Variants in TXNDC16 observed in about 807,000 individuals in gnomAD.
TXNDC16 encodes the protein thioredoxin domain-containing protein 16.
Under a neutral mutation model 85.6 loss-of-function variants are expected in TXNDC16, and 74 were observed. The observed-to-expected ratio is 0.86, with a 90% CI of 0.72 to 1.05. The LOEUF (loss-of-function observed/expected upper bound fraction) is 1.05. TXNDC16 is among the 50% of genes least tolerant of loss of function. The pLI is 0.00. For synonymous variants in TXNDC16, 335 were observed against 326.5 expected, an observed-to-expected ratio of 1.03 and a Z score of -0.28; for missense variants, 959 against 947.0, an observed-to-expected ratio of 1.01 and a Z score of -0.17.
At position 52,439,276 on chromosome 14, in the gene TXNDC16, C is replaced by G. The variant is rs1236904848; in HGVS notation, c.2122G>C (p.Asp708His). 3 of 1,613,924 alleles carry G rather than the reference C, an allele frequency of 1.9e-6. No individual in the cohort carries two copies. In the Admixed American group the frequency reaches 5.0e-5, roughly 27 times the overall value. The change falls in exon 20 of 21, where the codon GAC (aspartate) becomes CAC (histidine). Residue 708 changes from aspartate (D) to histidine (H), a missense_variant. Coordinates refer to ENST00000281741, the MANE Select transcript of TXNDC16 (RefSeq NM_020784.3). ...AGGTTTTCTTCAATTATAGCCTGGT[C>G]TGAAGGAAATGCAAATACTTGGCCA... is the stretch of plus-strand genomic sequence containing the variant. ...SGGQVFAFPS[D>H]QAIIEENLVL... is the part of the protein sequence containing the mutation.
intron 18 of TXNDC16, 29 bp downstream of exon 18, chr14:52,455,295 G>A (rs1188890177): frequency 6.2e-7 from 1 of 1,610,888 alleles, no homozygotes; most frequent in Non-Finnish European, 8.5e-7. Flanking sequence ...TTTATTTCAA[G>A]TATCACCCTT....
chr14:52,474,939 G>C (rs1253235843), intron 14 of TXNDC16, among the ~76,000 whole-genome samples: 1 of 152,146 alleles, frequency 6.6e-6, no homozygotes, highest in Non-Finnish European at 1.5e-5. Flanking sequence ...CCCTCTGAAG[G>C]AAGTGATTGC....
intron 7 of TXNDC16, 58 bp from the exon 8 acceptor site, chr14:52,515,028 G>T: frequency 7.8e-7 from 1 of 1,277,128 alleles, no homozygotes; most frequent in Non-Finnish European, 1.1e-6. Flanking sequence ...GTGACTCTAT[G>T]TAAACTTCTA....
chr14:52,444,109 G>A (rs773566317), intron 18 of TXNDC16, among the ~76,000 whole-genome samples: 1 of 152,050 alleles, frequency 6.6e-6, no homozygotes, highest in Non-Finnish European at 1.5e-5. Context: ...GAGGAGGAAT[G>A]GTATAGACAA....
At chr14:52,498,133 C>T (rs1481258723) in intron 9 of TXNDC16, among the ~76,000 whole-genome samples, 1 of 152,028 alleles carries the variant, frequency 6.6e-6, no homozygotes, top group South Asian at 2.1e-4. Context: ...AAACTAGGAA[C>T]AGAAATAAAT....
intron 7 of TXNDC16, among the ~76,000 whole-genome samples, chr14:52,517,400 C>A (rs2037109276): frequency 6.6e-6 from 1 of 152,140 alleles, no homozygotes; most frequent in South Asian, 2.1e-4. Context: ...ATTATTGCTG[C>A]CTAACAACCA....
At chr14:52,459,182 A>G (rs1359994897) in intron 16 of TXNDC16, among the ~76,000 whole-genome samples, 1 of 152,192 alleles carries the variant, frequency 6.6e-6, no homozygotes, top group African/African-American at 2.4e-5. Context: ...ATCACATCTT[A>G]TTGAATAATT....
At chr14:52,451,292 C>A (rs1045139037) in intron 18 of TXNDC16, among the ~76,000 whole-genome samples, 1 of 151,486 alleles carries the variant, frequency 6.6e-6, no homozygotes, top group Non-Finnish European at 1.5e-5. Flanking sequence ...AATACTAATC[C>A]TACTCAAACT....
At chr14:52,494,000 C>A (rs888687088) in intron 9 of TXNDC16, among the ~76,000 whole-genome samples, 1 of 151,856 alleles carries the variant, frequency 6.6e-6, no homozygotes, top group Non-Finnish European at 1.5e-5. Flanking sequence ...AGGCTGGTCT[C>A]GAACTCCTGG....
chr14:52,526,433 T>C (rs1001161628), intron 6 of TXNDC16, among the ~76,000 whole-genome samples: 1 of 152,178 alleles, frequency 6.6e-6, no homozygotes, highest in Admixed American at 6.5e-5. Context: ...ACTACATGCA[T>C]TTACATGTGC....
At chr14:52,492,820 G>A (rs919037282) in intron 9 of TXNDC16, among the ~76,000 whole-genome samples, 4 of 152,134 alleles carry the variant, frequency 2.6e-5, no homozygotes, top group South Asian at 2.1e-4. Flanking sequence ...AACCCTCCTC[G>A]GCCCAGTCAG....
intron 16 of TXNDC16, among the ~76,000 whole-genome samples, chr14:52,459,890 T>C (rs1193085899): frequency 6.6e-6 from 1 of 152,116 alleles, no homozygotes; most frequent in African/African-American, 2.4e-5. Context: ...CTCAATATAC[T>C]AGGTACTGAA....
At chr14:52,443,679 A>G (rs989604383) in intron 18 of TXNDC16, among the ~76,000 whole-genome samples, 4 of 152,228 alleles carry the variant, frequency 2.6e-5, no homozygotes, top group Non-Finnish European at 5.9e-5. Flanking sequence ...GTGAGACCAG[A>G]TGAGTAATGC....
Position 52,445,880 on chromosome 14 carries a change from G to C in TXNDC16, c.1843-5156C>G, listed in dbSNP as rs538716830. Among the ~76,000 whole-genome samples the C allele has an allele frequency of 3.9e-5, 6 of 152,228 alleles. No individual in the cohort carries two copies. The East Asian group carries it at 1.2e-3, about 29-fold the overall frequency. Reference sequence around the variant, plus strand: ...AGTTTGTATGATAAAACTGCCTATCGATGCATTTCTCAGAAGATATCCTCG... The same window carrying C: ...AGTTTGTATGATAAAACTGCCTATCCATGCATTTCTCAGAAGATATCCTCG... On this transcript the variant is annotated intron_variant, in intron 18 of 20. Coordinates refer to ENST00000281741, the MANE Select transcript of TXNDC16 (RefSeq NM_020784.3).
At chr14:52,485,783 TTG>T (rs1463609902) in intron 12 of TXNDC16, among the ~76,000 whole-genome samples, 3 of 152,230 alleles carry the variant, frequency 2.0e-5, no homozygotes, top group East Asian at 3.8e-4. Flanking sequence ...CCATGTAGGT[TTG>T]TGTAAGTGAA....
At chr14:52,535,282 A>G (rs2037674215) in intron 6 of TXNDC16, among the ~76,000 whole-genome samples, 1 of 152,146 alleles carries the variant, frequency 6.6e-6, no homozygotes, top group African/African-American at 2.4e-5. Context: ...GTCCCAGGAA[A>G]GGGATTCCAA....
intron 12 of TXNDC16, 59 bp downstream of exon 12, chr14:52,488,304 T>C: frequency 6.3e-7 from 1 of 1,584,150 alleles, no homozygotes; most frequent in South Asian, 1.2e-5. Context: ...ATTGGAAATT[T>C]CACTGACTTT....
At chr14:52,503,272 C>A in intron 9 of TXNDC16, among the ~76,000 whole-genome samples, 1 of 152,238 alleles carries the variant, frequency 6.6e-6, no homozygotes. Context: ...AACAGACTGC[C>A]TCCTCAAGTG....
At chr14:52,475,494 T>G (rs2036000689) in intron 14 of TXNDC16, among the ~76,000 whole-genome samples, 1 of 152,120 alleles carries the variant, frequency 6.6e-6, no homozygotes, top group Admixed American at 6.6e-5. Context: ...ACAGTGGAAG[T>G]GAGACTGGCC....
Sources: gnomAD v4.1 joint callset for allele counts (sites outside exome capture counted in the v4.1 genomes callset) on GRCh38, gnomAD v4.1.1 for gene constraint, MANE v1.5 for transcripts, NCBI Gene and HGNC (gene_info 2026-07-23, HGNC 2026-07-21) for gene names.